Variants in ATG4B observed in about 807,000 individuals in gnomAD.
ATG4B encodes cysteine protease ATG4B.
Under a neutral mutation model 56.6 loss-of-function variants are expected in ATG4B, and 29 were observed. That is an observed-to-expected ratio of 0.51 (90% CI 0.38 to 0.70). The LOEUF (loss-of-function observed/expected upper bound fraction) is 0.70. Among genes scored for constraint, ATG4B ranks in the 30% least tolerant of loss-of-function variants. ATG4B has a pLI of 0.00. For synonymous variants in ATG4B, 224 were observed against 206.1 expected (o/e 1.09, Z -0.74); for missense variants, 461 against 515.5 (o/e 0.89, Z 1.02).
rs184422772 is a variant in ATG4B, at chr2:241,664,430, C to T, written c.539-2215C>T. ...GCATGTACCTGTAGTCCCACCTACT[C>T]GGGAGTCTGAGGTGGGAGGATCCCA... is the stretch of plus-strand genomic sequence containing the variant. On this transcript the variant is annotated intron_variant, in intron 7 of 12. Coordinates refer to ENST00000404914, the MANE Select transcript of ATG4B (RefSeq NM_013325.5). 1.2e-3 allele frequency among the ~76,000 whole-genome samples: 181 copies of T among 152,184 alleles called. 1 individual carries two copies. The highest frequency in any genetic ancestry group is 4.0e-3 in the African/African-American group (166 of 41,516).
chr2:241,660,454 G>A (rs2068556998), intron 7 of ATG4B, among the ~76,000 whole-genome samples: 1 of 152,182 alleles, frequency 6.6e-6, no homozygotes, highest in Non-Finnish European at 1.5e-5. Context: ...TGAGAGCTTT[G>A]CCACAGCAGG....
intron 6 of ATG4B, among the ~76,000 whole-genome samples, chr2:241,656,950 C>T (rs1320274079): frequency 4.6e-5 from 7 of 152,128 alleles, no homozygotes; most frequent in African/African-American, 1.7e-4. Flanking sequence ...CGTGAGCCAC[C>T]GTGCCTGGCC....
intron 6 of ATG4B, among the ~76,000 whole-genome samples, chr2:241,655,993 T>C (rs1397939024): frequency 1.3e-5 from 2 of 152,206 alleles, no homozygotes; most frequent in African/African-American, 4.8e-5. Flanking sequence ...CCCAGCATTT[T>C]TGGGGAGGCT....
chr2:241,661,416 G>A (rs2068589404), intron 7 of ATG4B, among the ~76,000 whole-genome samples: 1 of 152,214 alleles, frequency 6.6e-6, no homozygotes, highest in South Asian at 2.1e-4. Flanking sequence ...AAAAGCCCCA[G>A]GAGGGAGTAG....
chr2:241,640,388 G>C (rs2067847259), intron 1 of ATG4B, among the ~76,000 whole-genome samples: 1 of 152,202 alleles, frequency 6.6e-6, no homozygotes, highest in African/African-American at 2.4e-5. Flanking sequence ...GATGATTAAT[G>C]ATCTGCCCTC....
At chr2:241,643,815 G>A (rs962808287) in intron 1 of ATG4B, among the ~76,000 whole-genome samples, 3 of 151,342 alleles carry the variant, frequency 2.0e-5, no homozygotes, top group Non-Finnish European at 2.9e-5. Context: ...CACCCACCTT[G>A]GCCTCCTAAA....
intron 3 of ATG4B, chr2:241,652,113 G>A (rs932307342): frequency 1.6e-5 from 7 of 426,330 alleles, no homozygotes; most frequent in Non-Finnish European, 2.1e-5. Context: ...GAACACTGAC[G>A]CGTAGGGACA....
At position 241,651,269 on chromosome 2, in the gene ATG4B, G is replaced by T; in HGVS notation, c.118G>T (p.Asp40Tyr). Residue 40 changes from aspartate to tyrosine, a missense_variant, in exon 3 of 13, where the codon GAC becomes TAC. Transcript: ENST00000404914. The surrounding 1 kb of genome is among the most constrained non-coding windows in gnomAD (Gnocchi z 4.1). ...GRKYSIFTEKDEILSDVASRL... is the reference protein window; with the variant it reads ...GRKYSIFTEKYEILSDVASRL... ...TTCTTTTAAACAACCTCTAGAAAAG[G>T]ACGAGATCTTGTCTGATGTGGCATC... The T allele has an allele frequency of 6.3e-7, 1 of 1,599,024 alleles. No individual in the cohort carries two copies. The highest frequency in any genetic ancestry group is 8.5e-7 in the Non-Finnish European group (1 of 1,172,318).
intron 7 of ATG4B, among the ~76,000 whole-genome samples, chr2:241,665,396 G>A (rs747594509): frequency 1.3e-5 from 2 of 152,228 alleles, no homozygotes; most frequent in African/African-American, 2.4e-5. Flanking sequence ...AACCCGTGCC[G>A]CTGATTTGTG....
Position 241,655,280 on chromosome 2 carries a change from G to T in ATG4B, c.395G>T (p.Gly132Val). The T allele has an allele frequency of 6.2e-7, 1 of 1,611,724 alleles. No individual in the cohort carries two copies. Among genetic ancestry groups the T allele is most frequent in the Non-Finnish European group, 8.5e-7 (1 of 1,178,954 alleles). ...YYSIHQIAQM[G>V]VGEGKSIGQW... is the part of the protein sequence containing the mutation. ...TATCTGTTCCCTGCAGCGCAAATGG[G>T]AGTTGGCGAAGGCAAGTCCATAGGC... The change falls in exon 6 of 13, where the codon GGA becomes GTA. Residue 132 changes from glycine to valine, a missense_variant. Transcript: ENST00000404914.
chr2:241,670,861 C>G, intron 11 of ATG4B, 79 bp downstream of exon 11: 1 of 1,435,850 alleles, frequency 7.0e-7, no homozygotes, highest in Non-Finnish European at 9.6e-7. Flanking sequence ...GGTCGAAGGC[C>G]TGCGTCCAGG....
chr2:241,658,423 C>T (rs1296950178), intron 6 of ATG4B, among the ~76,000 whole-genome samples: 2 of 152,088 alleles, frequency 1.3e-5, no homozygotes, highest in Non-Finnish European at 2.9e-5. Flanking sequence ...CACCCAGCTC[C>T]CCTCCACAGG....
chr2:241,659,277 C>A, intron 7 of ATG4B, 90 bp downstream of exon 7: 1 of 1,186,656 alleles, frequency 8.4e-7, no homozygotes, highest in Non-Finnish European at 1.2e-6. Context: ...GGAGCCTCGG[C>A]GAGTGTTGTC....
chr2:241,672,238 G>C lies in ATG4B; in HGVS notation c.1156G>C (p.Glu386Gln). 1 of 1,583,290 alleles carries C rather than the reference G, an allele frequency of 6.3e-7. No homozygotes were observed. The highest frequency in any genetic ancestry group is 8.6e-7 in the Non-Finnish European group (1 of 1,164,310). The change falls in exon 13 of 13, where the codon GAA becomes CAA. Residue 386 changes from glutamate to glutamine, a missense_variant. Physicochemically the swap from Glu to Gln is conservative, Grantham distance 29. Coordinates refer to ENST00000404914, the MANE Select transcript of ATG4B (RefSeq NM_013325.5). ...RLERFFDSED[E>Q]DFEILSL ...GGAAAGATTCTTCGACTCAGAAGAT[G>C]AAGACTTTGAAATCCTGTCCCTTTG...
At chr2:241,663,811 ATTTTTTT>A (rs544195724) in intron 7 of ATG4B, among the ~76,000 whole-genome samples, 18 of 140,210 alleles carry the variant, frequency 1.3e-4, no homozygotes, top group African/African-American at 4.2e-4. Context: ...CCAGACGTCT[ATTTTTTT>A]TTTTTTTTTG....
intron 3 of ATG4B, 46 bp from the exon 4 acceptor site, chr2:241,653,466 G>T: frequency 1.9e-6 from 3 of 1,553,014 alleles, no homozygotes; most frequent in Non-Finnish European, 2.6e-6. Flanking sequence ...TGTGGCCTGT[G>T]GGGCCATCTG....
rs1162674687 is a variant in ATG4B, at chr2:241,672,402, G to C, written c.*138G>C. ...CCAGAGGGCCACCCGCTGTGCTCGTGGACTGAGGCTGCGCTGCCCGGGAGG... is the reference window on the plus strand; with the variant it reads ...CCAGAGGGCCACCCGCTGTGCTCGTCGACTGAGGCTGCGCTGCCCGGGAGG... On this transcript the variant is annotated 3_prime_UTR_variant, in exon 13 of 13. Transcript: ENST00000404914. 2 of 767,724 alleles carry C rather than the reference G, an allele frequency of 2.6e-6. No homozygotes were observed. Among genetic ancestry groups the C allele is most frequent in the African/African-American group, 3.5e-5 (2 of 57,232 alleles). The allele number at this position is 767,724 out of a possible 1,614,324, so 47.6% of individuals were successfully genotyped here. A position where few individuals can be genotyped will look rare whatever the true frequency, so the allele number is the denominator to read the frequency against.
intron 3 of ATG4B, among the ~76,000 whole-genome samples, chr2:241,652,969 T>C (rs1331073304): frequency 1.3e-5 from 2 of 152,222 alleles, no homozygotes; most frequent in Non-Finnish European, 2.9e-5. Flanking sequence ...ACCCCTGCTA[T>C]GGGCTGGCAG....
intron 7 of ATG4B, among the ~76,000 whole-genome samples, chr2:241,664,922 C>T (rs1206353313): frequency 6.6e-6 from 1 of 152,140 alleles, no homozygotes; most frequent in Non-Finnish European, 1.5e-5. Flanking sequence ...CGAGATTATG[C>T]CACTGCACTC....
Sources: gnomAD v4.1 joint callset for allele counts (sites outside exome capture counted in the v4.1 genomes callset) on GRCh38, gnomAD v4.1.1 for gene constraint, Gnocchi (gnomAD v3.1) non-coding constraint, MANE v1.5 for transcripts, NCBI Gene and HGNC (gene_info 2026-07-23, HGNC 2026-07-21) for gene names.